Variants in TBCEL observed in about 807,000 individuals in gnomAD.
The protein encoded by TBCEL is tubulin-specific chaperone cofactor E-like protein.
A neutral mutation model predicts 44.2 loss-of-function variants in TBCEL; 15 were observed. The observed-to-expected ratio is 0.34, with a 90% CI of 0.23 to 0.52. TBCEL has a LOEUF of 0.52. Among genes scored for constraint, TBCEL ranks in the 20% least tolerant of loss-of-function variants. The probability of loss-of-function intolerance (pLI) is 0.95; values close to 1 mark genes in which losing one functional copy is unlikely to be tolerated. For missense variants in TBCEL, 319 were observed against 506.3 expected, an observed-to-expected ratio of 0.63 and a Z score of 3.55; for synonymous variants, 171 against 185.4, an observed-to-expected ratio of 0.92 and a Z score of 0.63.
intron 8 of TBCEL, among the ~76,000 whole-genome samples, chr11:121,064,246 A>G (rs1296846247): frequency 6.6e-6 from 1 of 152,234 alleles, no homozygotes; most frequent in African/African-American, 2.4e-5. Flanking sequence ...TTGAGTTTGC[A>G]GACCTGTCTA....
rs1237222904 is a variant in TBCEL, at chr11:121,029,248, C to T, written c.-126+4957C>T. The stretch of plus-strand genomic sequence containing the variant: ...ATATATTACCTTTGTGTACATTTGT[C>T]TTTTTGGAGGGAAAAACGATTTAAT... On this transcript the variant is annotated intron_variant, in intron 1 of 8. Transcript: ENST00000683345. 5.9e-5 allele frequency among the ~76,000 whole-genome samples: 9 copies of T among 152,088 alleles called. No individual in the cohort carries two copies. In the East Asian group the frequency reaches 1.7e-3, roughly 29 times the overall value.
At chr11:121,078,089 T>C (rs1188767536) in intron 8 of TBCEL, among the ~76,000 whole-genome samples, 2 of 152,022 alleles carry the variant, frequency 1.3e-5, no homozygotes, top group Admixed American at 1.3e-4. Flanking sequence ...TAGAAAAAAA[T>C]GTGTATTCTG....
chr11:121,058,606 C>G, intron 7 of TBCEL, 135 bp downstream of exon 7: 5 of 1,076,206 alleles, frequency 4.6e-6, no homozygotes, highest in Non-Finnish European at 5.4e-6. Flanking sequence ...GGAGCTGCCC[C>G]TGTAGCTCCA....
chr11:121,061,612 A>G (rs758283260), intron 8 of TBCEL, among the ~76,000 whole-genome samples: 2 of 152,118 alleles, frequency 1.3e-5, no homozygotes, highest in African/African-American at 2.4e-5. Context: ...GCATGTGACT[A>G]TAATGAATGT....
At chr11:121,072,352 G>A (rs1945950609) in intron 8 of TBCEL, among the ~76,000 whole-genome samples, 1 of 152,018 alleles carries the variant, frequency 6.6e-6, no homozygotes, top group Non-Finnish European at 1.5e-5. Flanking sequence ...TTTGCTTTTT[G>A]TCAGTAAAAC....
intron 1 of TBCEL, among the ~76,000 whole-genome samples, chr11:121,029,588 A>G (rs1945108231): frequency 6.6e-6 from 1 of 152,248 alleles, no homozygotes; most frequent in Admixed American, 6.5e-5. Flanking sequence ...GCTTTTAATC[A>G]CAGTGCTCTT....
rs1408567040 is a variant in TBCEL, at chr11:121,088,739, T to C, written c.*1643T>C. 1.3e-5 allele frequency: 2 copies of C among 152,326 alleles called. No homozygotes were observed. The highest frequency in any genetic ancestry group is 4.1e-4 in the South Asian group (2 of 4,830). The allele number at this position is 152,326 out of a possible 1,614,324, so 9.4% of individuals were successfully genotyped here. On this transcript the variant is annotated 3_prime_UTR_variant, in exon 9 of 9. Coordinates refer to ENST00000683345, the MANE Select transcript of TBCEL (RefSeq NM_001363644.2). ...ATTAATGCTACTTTTTAAATTTTCCTGTGCCATGTGGCAGATGTTTATTCT... is the reference window on the plus strand; with the variant it reads ...ATTAATGCTACTTTTTAAATTTTCCCGTGCCATGTGGCAGATGTTTATTCT...
intron 2 of TBCEL, among the ~76,000 whole-genome samples, chr11:121,038,602 A>G (rs1300851703): frequency 1.3e-5 from 2 of 152,126 alleles, no homozygotes; most frequent in African/African-American, 2.4e-5. Flanking sequence ...AACAAAAACA[A>G]AACTTGCAAA....
chr11:121,084,728 G>A (rs1001326844), intron 8 of TBCEL, among the ~76,000 whole-genome samples: 1 of 152,006 alleles, frequency 6.6e-6, no homozygotes, highest in African/African-American at 2.4e-5. Context: ...CTAGAGTTGG[G>A]TTCAGTTCTT....
chr11:121,048,138 T>C (rs1209090695), intron 4 of TBCEL, among the ~76,000 whole-genome samples: 3 of 151,902 alleles, frequency 2.0e-5, no homozygotes, highest in African/African-American at 7.2e-5. Flanking sequence ...CATTAAATTT[T>C]CTACTGTTTC....
In TBCEL at chr11:121,029,466, TG is replaced by T. The variant is rs1472204400; in HGVS notation, c.-126+5177del. 2.0e-5 allele frequency among the ~76,000 whole-genome samples: 3 copies of T among 152,218 alleles called. No individual in the cohort carries two copies. The East Asian group carries it at 5.8e-4, about 29-fold the overall frequency. On this transcript the variant is annotated intron_variant, in intron 1 of 8. Coordinates refer to ENST00000683345, the MANE Select transcript of TBCEL (RefSeq NM_001363644.2). ...TGTAGTCTTCACAATAACTGTGAAA[TG>T]GCTATTAATAGCTTCATTTTACAAG...
rs532224323 is a variant in TBCEL at position 121,061,016 on chromosome 11, A to G, written c.956+931A>G. Reference sequence around the variant, plus strand: ...GGGGGTTAACATTCTATAAGTCTCAATCAGTGTCATATAACAAGACTTTGT... The same window carrying G: ...GGGGGTTAACATTCTATAAGTCTCAGTCAGTGTCATATAACAAGACTTTGT... On this transcript the variant is annotated intron_variant, in intron 8 of 8. Transcript: ENST00000683345. Among the ~76,000 whole-genome samples, 13 of 152,168 alleles carry G rather than the reference A, an allele frequency of 8.5e-5. 1 individual carries two copies. The East Asian group carries it at 2.1e-3, about 25-fold the overall frequency.
chr11:121,028,397 A>G (rs1591375310), intron 1 of TBCEL, among the ~76,000 whole-genome samples: 1 of 152,140 alleles, frequency 6.6e-6, no homozygotes, highest in African/African-American at 2.4e-5. Context: ...TAGGTACTCA[A>G]ATAACTTTTC....
intron 8 of TBCEL, among the ~76,000 whole-genome samples, chr11:121,071,111 A>C (rs1236489870): frequency 6.6e-6 from 1 of 152,162 alleles, no homozygotes; most frequent in African/African-American, 2.4e-5. Context: ...CACATAGTCA[A>C]GTGTACATGT....
At chr11:121,085,048 T>A (rs1202814035) in intron 8 of TBCEL, among the ~76,000 whole-genome samples, 1 of 151,012 alleles carries the variant, frequency 6.6e-6, no homozygotes, top group Admixed American at 6.6e-5. Context: ...TAATTATTAT[T>A]ATTTTTCTAA....
At chr11:121,041,436 T>G (rs943023408) in intron 2 of TBCEL, among the ~76,000 whole-genome samples, 7 of 152,114 alleles carry the variant, frequency 4.6e-5, no homozygotes, top group African/African-American at 1.7e-4. Flanking sequence ...ACAAACGAAT[T>G]GAAATTTTCA....
At chr11:121,027,021 T>C (rs899208470) in intron 1 of TBCEL, among the ~76,000 whole-genome samples, 1 of 152,234 alleles carries the variant, frequency 6.6e-6, no homozygotes, top group African/African-American at 2.4e-5. Flanking sequence ...GTTTTGAAAA[T>C]CAGATATTTA....
At chr11:121,054,831 C>T in intron 5 of TBCEL, 1 of 384,204 alleles carries the variant, frequency 2.6e-6, no homozygotes, top group East Asian at 3.9e-5. Flanking sequence ...AGTAATTTCG[C>T]ACTACCTTAT....
chr11:121,033,312 A>T (rs1046554000), intron 1 of TBCEL, among the ~76,000 whole-genome samples: 2 of 152,212 alleles, frequency 1.3e-5, no homozygotes, highest in Non-Finnish European at 2.9e-5. Flanking sequence ...ATAACAAGGC[A>T]TAAGTTTTGT....
Sources: allele counts gnomAD v4.1 joint callset (sites outside exome capture counted in the v4.1 genomes callset), GRCh38; gene constraint gnomAD v4.1.1; transcripts MANE v1.5; gene names NCBI Gene and HGNC (gene_info 2026-07-23, HGNC 2026-07-21).